Variants in PRKCB observed in about 807,000 individuals in gnomAD.
The protein encoded by PRKCB is protein kinase C beta.
In PRKCB, 13 loss-of-function variants were observed where a neutral mutation model predicts 81.5. That is an observed-to-expected ratio of 0.16 (90% CI 0.10 to 0.25). The LOEUF is 0.25. PRKCB is among the 10% of genes least tolerant of loss of function. PRKCB has a pLI of 1.00. For synonymous variants in PRKCB, 335 were observed against 321.4 expected (o/e 1.04, Z -0.45); for missense variants, 509 against 875.7 (o/e 0.58, Z 5.29).
chr16:23,885,017 G>A (rs1963178345), intron 2 of PRKCB, among the ~76,000 whole-genome samples: 2 of 151,778 alleles, frequency 1.3e-5, no homozygotes, highest in South Asian at 4.2e-4. Flanking sequence ...TTCCTTGCCA[G>A]CAAACTCAAG....
At position 24,219,277 on chromosome 16, in the gene PRKCB, G is replaced by C. The variant is rs564537414; in HGVS notation, c.*4461G>C. 1.1e-6 allele frequency: 1 copy of C among 933,964 alleles called. No homozygotes were observed. The highest frequency in any genetic ancestry group is 1.6e-4 in the East Asian group (1 of 6,284). The allele number at this position is 933,964 out of a possible 1,614,324, so 57.9% of individuals were successfully genotyped here. ...TTTGTTTTGTTTTGTTTTGTTTTAA[G>C]GCTCCCCTTACACACCCTCCTTTAA... On this transcript the variant is annotated 3_prime_UTR_variant, in exon 17 of 17. Coordinates refer to ENST00000643927, the MANE Select transcript of PRKCB (RefSeq NM_002738.7).
intron 9 of PRKCB, among the ~76,000 whole-genome samples, chr16:24,144,081 A>G (rs398671): frequency 0.37 from 56,313 of 151,896 alleles, 10,886 homozygotes; most frequent in African/African-American, 0.49. Flanking sequence ...TATGTTGCAT[A>G]TATTTCTGAT....
chr16:23,927,374 T>A (rs1963911535), intron 2 of PRKCB, among the ~76,000 whole-genome samples: 1 of 152,144 alleles, frequency 6.6e-6, no homozygotes, highest in East Asian at 1.9e-4. Context: ...GGGTAGGGGA[T>A]GTGTTTAGGG....
intron 2 of PRKCB, among the ~76,000 whole-genome samples, chr16:23,896,329 AATTG>A (rs947052377): frequency 1.3e-5 from 2 of 152,306 alleles, no homozygotes; most frequent in South Asian, 4.1e-4. Flanking sequence ...TTATTGAATT[AATTG>A]ATTGATTCAT....
At chr16:23,889,158 CCATCCATCCAT>C (rs1963251606) in intron 2 of PRKCB, among the ~76,000 whole-genome samples, 1 of 141,012 alleles carries the variant, frequency 7.1e-6, no homozygotes, top group Non-Finnish European at 1.5e-5. Context: ...ATCCATCCAT[CCATCCATCCAT>C]CCGTCCATCC....
intron 7 of PRKCB, among the ~76,000 whole-genome samples, chr16:24,109,636 C>T (rs954145474): frequency 1.4e-4 from 18 of 129,444 alleles, no homozygotes; most frequent in Non-Finnish European, 4.6e-5. Context: ...GGCAGCCAGG[C>T]AGAGGGGCTC....
At chr16:24,067,386 A>G (rs1178795104) in intron 5 of PRKCB, among the ~76,000 whole-genome samples, 1 of 151,472 alleles carries the variant, frequency 6.6e-6, no homozygotes, top group Non-Finnish European at 1.5e-5. Context: ...TGCAGCCTCT[A>G]CCTCCTGGGC....
chr16:23,982,135 T>C (rs147997548), intron 2 of PRKCB, among the ~76,000 whole-genome samples: 304 of 14,324 alleles, frequency 0.021, no homozygotes, highest in Non-Finnish European at 0.022. Flanking sequence ...TTCCCTTCCC[T>C]TTCCCTTCCC....
chr16:24,065,300 T>C (rs1966019155), intron 5 of PRKCB, among the ~76,000 whole-genome samples: 1 of 151,834 alleles, frequency 6.6e-6, no homozygotes. Flanking sequence ...TATTGCCTTT[T>C]GGGGATCACT....
chr16:24,073,969 C>T (rs916093223), intron 5 of PRKCB, among the ~76,000 whole-genome samples: 3 of 151,494 alleles, frequency 2.0e-5, no homozygotes, highest in South Asian at 2.1e-4. Context: ...GGTGAAACCC[C>T]GATACAAAAA....
At chr16:24,174,708 G>A (rs1406445990) in intron 12 of PRKCB, 128 bp downstream of exon 12, 3 of 879,564 alleles carry the variant, frequency 3.4e-6, no homozygotes, top group Non-Finnish European at 5.3e-6. Context: ...ACTAACTTGG[G>A]CATGTGTTCT....
chr16:24,032,071 T>C, intron 3 of PRKCB, 65 bp from the exon 4 acceptor site: 1 of 1,177,876 alleles, frequency 8.5e-7, no homozygotes, highest in Non-Finnish European at 1.3e-6. Context: ...TGCCTCTCGA[T>C]GTAGGATGAA....
chr16:23,882,199 C>T (rs904825639), intron 2 of PRKCB, among the ~76,000 whole-genome samples: 1 of 151,404 alleles, frequency 6.6e-6, no homozygotes, highest in Non-Finnish European at 1.5e-5. Context: ...CCCATCTCAG[C>T]CTCCTGAGTA....
intron 2 of PRKCB, among the ~76,000 whole-genome samples, chr16:23,889,097 T>C (rs1328580661): frequency 6.6e-6 from 1 of 151,850 alleles, no homozygotes; most frequent in Non-Finnish European, 1.5e-5. Flanking sequence ...CACTCAGTCA[T>C]CTACACAGCT....
At chr16:24,159,309 C>T (rs1026716481) in intron 10 of PRKCB, among the ~76,000 whole-genome samples, 3 of 152,214 alleles carry the variant, frequency 2.0e-5, no homozygotes, top group Non-Finnish European at 2.9e-5. Flanking sequence ...CTCGACACAG[C>T]ACTGGGTCAT....
chr16:23,986,320 C>T (rs2141820171), intron 2 of PRKCB, among the ~76,000 whole-genome samples: 1 of 152,286 alleles, frequency 6.6e-6, no homozygotes, highest in Non-Finnish European at 1.5e-5. Flanking sequence ...GTGGTGCAGT[C>T]ATGGCTCACT....
chr16:24,204,797 C>T (rs548515887), intron 16 of PRKCB, among the ~76,000 whole-genome samples: 5 of 152,052 alleles, frequency 3.3e-5, no homozygotes, highest in East Asian at 3.9e-4. Context: ...TTTGGGGTGG[C>T]GGGATTAAGA....
At chr16:24,169,928 C>A (rs1967415732) in intron 10 of PRKCB, among the ~76,000 whole-genome samples, 1 of 152,048 alleles carries the variant, frequency 6.6e-6, no homozygotes, top group Non-Finnish European at 1.5e-5. Context: ...AGGCGCACAC[C>A]ATCATGCCCA....
intron 7 of PRKCB, among the ~76,000 whole-genome samples, chr16:24,101,827 A>G (rs761832804): frequency 6.6e-6 from 1 of 152,236 alleles, no homozygotes; most frequent in African/African-American, 2.4e-5. Context: ...GCAGGGAAGA[A>G]AAAAACGGCT....
Sources: allele counts gnomAD v4.1 joint callset (sites outside exome capture counted in the v4.1 genomes callset), GRCh38; gene constraint gnomAD v4.1.1; transcripts MANE v1.5; gene names NCBI Gene and HGNC (gene_info 2026-07-23, HGNC 2026-07-21).